Variants in NFAM1 observed in about 807,000 individuals in gnomAD.
NFAM1 encodes the protein NFAT activating protein with ITAM motif 1, also known as NFAT activation molecule 1.
A neutral mutation model predicts 29.0 loss-of-function variants in NFAM1; 17 were observed. The observed-to-expected ratio is 0.59, with a 90% confidence interval of 0.40 to 0.88. NFAM1 has a LOEUF of 0.88. Among genes scored for constraint, NFAM1 ranks in the 40% least tolerant of loss-of-function variants. NFAM1 has a pLI of 0.00. For missense variants in NFAM1, 324 were observed against 344.6 expected, an observed-to-expected ratio of 0.94 and a Z score of 0.47; for synonymous variants, 175 against 147.2, an observed-to-expected ratio of 1.19 and a Z score of -1.36.
intron 1 of NFAM1, among the ~76,000 whole-genome samples, chr22:42,422,621 G>T (rs772496677): frequency 6.6e-6 from 1 of 151,936 alleles, no homozygotes; most frequent in Non-Finnish European, 1.5e-5. Flanking sequence ...AAAAAAAGAA[G>T]GTCAAAAAAA....
chr22:42,424,251 T>TA (rs1176899603), intron 1 of NFAM1, among the ~76,000 whole-genome samples: 2 of 151,824 alleles, frequency 1.3e-5, no homozygotes, highest in East Asian at 3.9e-4. Flanking sequence ...CCACCTTTAC[T>TA]AAAAATACAA....
chr22:42,397,901 G>A lies in NFAM1; in HGVS notation c.620C>T (p.Ser207Phe). 6.2e-7 allele frequency: 1 copy of A among 1,613,124 alleles called. No homozygotes were observed. The highest frequency in any genetic ancestry group is 8.5e-7 in the Non-Finnish European group (1 of 1,179,434). ...AGGATGCTGCTTGGGGCTGCTGGCA[G>A]ATCTTGGATCTGGGCACTTCCTGGT... is the stretch of plus-strand genomic sequence containing the variant. ...DPTRKCPDPR[S>F]ASSPKQHPSE... is the part of the protein sequence containing the mutation. The change falls in exon 4 of 6, where the codon TCT becomes TTT. Residue 207 changes from serine (S) to phenylalanine (F), a missense_variant. Coordinates refer to ENST00000329021, the MANE Select transcript of NFAM1 (RefSeq NM_145912.8).
chr22:42,403,707 G>A (rs1001845752), intron 3 of NFAM1, among the ~76,000 whole-genome samples: 1 of 152,238 alleles, frequency 6.6e-6, no homozygotes, highest in Non-Finnish European at 1.5e-5. Context: ...CTATGTCAGG[G>A]GACCTGTGCT....
chr22:42,422,881 G>C (rs894468289), intron 1 of NFAM1, among the ~76,000 whole-genome samples: 1 of 152,032 alleles, frequency 6.6e-6, no homozygotes, highest in Non-Finnish European at 1.5e-5. Flanking sequence ...TTGGGAGGCC[G>C]AGGCGGGTGG....
chr22:42,410,172 G>A (rs1930034530), intron 2 of NFAM1: 1 of 173,264 alleles, frequency 5.8e-6, no homozygotes, highest in African/African-American at 2.4e-5. Flanking sequence ...CCAAGTCCTT[G>A]GAAGGCAGAG....
intron 1 of NFAM1, among the ~76,000 whole-genome samples, chr22:42,417,649 C>G (rs73886098): frequency 0.027 from 4,181 of 152,220 alleles, 194 homozygotes; most frequent in African/African-American, 0.097. Context: ...TGGTGAGGAC[C>G]TGAACTCTCC....
chr22:42,422,748 G>A (rs776805214), intron 1 of NFAM1, among the ~76,000 whole-genome samples: 2 of 152,188 alleles, frequency 1.3e-5, no homozygotes, highest in Non-Finnish European at 2.9e-5. Context: ...GGATGGTGTG[G>A]AAGGTGGCAA....
In NFAM1 at chr22:42,383,518, G is replaced by T. The variant is rs559713717; in HGVS notation, c.*1643C>A. On this transcript the variant is annotated 3_prime_UTR_variant, in exon 6 of 6. Transcript: ENST00000329021. ...CCTTGCCATGTGTGCTTGCAGGCGG[G>T]GGCCCAGAACCAAGTTGGGAGGCCA... 83 of 152,872 alleles carry T rather than the reference G, an allele frequency of 5.4e-4. No individual in the cohort carries two copies. Among genetic ancestry groups the T allele is most frequent in the Admixed American group, 5.4e-3 (82 of 15,308 alleles). 9.5% of individuals were successfully genotyped at this position (152,872 alleles called of 1,614,324 possible).
intron 1 of NFAM1, among the ~76,000 whole-genome samples, chr22:42,413,547 G>A (rs536469566): frequency 4.7e-4 from 71 of 152,170 alleles, no homozygotes; most frequent in Admixed American, 4.5e-3. Flanking sequence ...AGGCCGAGGC[G>A]GGTGGATTGC....
chr22:42,411,270 C>T lies in NFAM1; in HGVS notation c.451+137G>A, dbSNP rs528175795. ...AATCCCTGACCTCAGGTGATCCACC[C>T]GCCTCAGCCTCCCAAAGTGCTGGGA... On this transcript the variant is annotated intron_variant, in intron 2 of 5. Transcript: ENST00000329021. 2.1e-4 allele frequency: 137 copies of T among 661,830 alleles called. No individual in the cohort carries two copies. In the East Asian group the frequency reaches 3.6e-3, roughly 17 times the overall value. The allele number at this position is 661,830 out of a possible 1,614,324, so 41.0% of individuals were successfully genotyped here. A position where few individuals can be genotyped will look rare whatever the true frequency, so the allele number is the denominator to read the frequency against.
At position 42,385,095 on chromosome 22, in the gene NFAM1, C is replaced by T. The variant is rs1929088947; in HGVS notation, c.*66G>A. 8.1e-7 allele frequency: 1 copy of T among 1,240,738 alleles called. No homozygotes were observed. 76.9% of individuals were successfully genotyped at this position (1,240,738 alleles called of 1,614,324 possible). On this transcript the variant is annotated 3_prime_UTR_variant, in exon 6 of 6. Transcript: ENST00000329021. ...CCTTACTCCCAACTCAGATCAAGTC[C>T]TTTGGTGGCAGGGGCTGCCCCGGTC...
intron 3 of NFAM1, among the ~76,000 whole-genome samples, chr22:42,408,275 G>A (rs1479748751): frequency 2.0e-5 from 3 of 152,198 alleles, no homozygotes; most frequent in Admixed American, 1.3e-4. Flanking sequence ...TAGGTTTTCA[G>A]TGTTTGTTGA....
intron 3 of NFAM1, among the ~76,000 whole-genome samples, chr22:42,402,617 C>T (rs1166389782): frequency 6.6e-6 from 1 of 151,828 alleles, no homozygotes; most frequent in Non-Finnish European, 1.5e-5. Context: ...AGGCGGGAGG[C>T]CTGCTGTGCC....
intron 2 of NFAM1, chr22:42,410,263 A>G: frequency 4.4e-6 from 1 of 227,194 alleles, no homozygotes; most frequent in Non-Finnish European, 9.2e-6. Context: ...TGGGATTCCG[A>G]AGCCCCCAGC....
chr22:42,433,542 C>T (rs940644746), upstream of NFAM1, among the ~76,000 whole-genome samples: 2 of 152,134 alleles, frequency 1.3e-5, no homozygotes, highest in Admixed American at 1.3e-4. Flanking sequence ...CAGCTGCAGC[C>T]CCCGGTGACG....
chr22:42,428,383 G>A lies in NFAM1; in HGVS notation c.121+3854C>T, dbSNP rs544010666. ...ACTCCTGACAGAGGTCCGGAGCGGC[G>A]GGAAGGGAGGCAGGAGGTCTCAGCC... On this transcript the variant is annotated intron_variant, in intron 1 of 5. Coordinates refer to ENST00000329021, the MANE Select transcript of NFAM1 (RefSeq NM_145912.8). Among the ~76,000 whole-genome samples, 173 of 152,306 alleles carry A rather than the reference G, an allele frequency of 1.1e-3. 1 individual carries two copies. Among genetic ancestry groups the A allele is most frequent in the African/African-American group, 3.9e-3 (162 of 41,578 alleles).
chr22:42,419,964 C>T lies in NFAM1; in HGVS notation c.122-8228G>A, dbSNP rs1930378915. ...TAGACATGGGATTTTAAGCTGGGTC[C>T]CTTTGAGTCTGTAATCCCACTCTTG... On this transcript the variant is annotated intron_variant, in intron 1 of 5. Transcript: ENST00000329021. This position sits in a 1 kb window ranked among gnomAD's most constrained non-coding sequence, Gnocchi z 4.5. Among the ~76,000 whole-genome samples, 1 of 143,122 alleles carries T rather than the reference C, an allele frequency of 7.0e-6. No homozygotes were observed. The highest frequency in any genetic ancestry group is 1.5e-5 in the Non-Finnish European group (1 of 66,238). The allele number at this position is 143,122 out of a possible 152,430, so 93.9% of individuals were successfully genotyped here.
At chr22:42,423,109 T>C (rs1379186929) in intron 1 of NFAM1, among the ~76,000 whole-genome samples, 1 of 18,464 alleles carries the variant, frequency 5.4e-5, no homozygotes, top group Non-Finnish European at 8.7e-5. Context: ...CAAGACTCCA[T>C]CTCAAAAAAA....
At chr22:42,391,705 G>A (rs1200431131) in intron 4 of NFAM1, among the ~76,000 whole-genome samples, 1 of 152,060 alleles carries the variant, frequency 6.6e-6, no homozygotes, top group Non-Finnish European at 1.5e-5. Context: ...AGCACTTTGG[G>A]AGGCTGAGGC....
Sources: allele counts gnomAD v4.1 joint callset (sites outside exome capture counted in the v4.1 genomes callset), GRCh38; gene constraint gnomAD v4.1.1; non-coding constraint Gnocchi (gnomAD v3.1); transcripts MANE v1.5; gene names NCBI Gene and HGNC (gene_info 2026-07-23, HGNC 2026-07-21).